PTPRN2: variants seen among roughly 807,000 people sequenced by gnomAD.
PTPRN2 encodes protein tyrosine phosphatase receptor type N2.
In PTPRN2, 74 loss-of-function variants were observed where a neutral mutation model predicts 118.8. The ratio of observed to expected loss-of-function variants is 0.62; its 90% CI spans 0.52 to 0.76. PTPRN2 has a LOEUF of 0.76. Among genes scored for constraint, PTPRN2 ranks in the 30% least tolerant of loss-of-function variants. PTPRN2 has a pLI of 0.00. For synonymous variants in PTPRN2, 641 were observed against 608.0 expected (o/e 1.05, Z -0.80); for missense variants, 1,481 against 1,394.4 (o/e 1.06, Z -0.99).
At chr7:157,679,810 C>A (rs1220642415) in intron 13 of PTPRN2, among the ~76,000 whole-genome samples, 1 of 152,282 alleles carries the variant, frequency 6.6e-6, no homozygotes, top group East Asian at 1.9e-4. Context: ...GAGGGCCCCC[C>A]AGGTCACGCG....
rs1796902469 is a variant in PTPRN2, at chr7:157,893,178, C to T, written c.1788+5495G>A. Among the ~76,000 whole-genome samples, 1 of 152,212 alleles carries T rather than the reference C, an allele frequency of 6.6e-6. No individual in the cohort carries two copies. Among genetic ancestry groups the T allele is most frequent in the Non-Finnish European group, 1.5e-5 (1 of 68,040 alleles). On this transcript the variant is annotated intron_variant, in intron 12 of 22. Transcript: ENST00000389418. The surrounding 1 kb of genome is among the most constrained non-coding windows in gnomAD (Gnocchi z 4.0). ...GTGAATGAGCTCCTTGTGGCCAGAT[C>T]GTAACCAGTGGGTGAAATAAACACT... is the stretch of plus-strand genomic sequence containing the variant.
intron 10 of PTPRN2, among the ~76,000 whole-genome samples, chr7:158,098,839 CG>C (rs1814905393): frequency 6.7e-6 from 1 of 149,866 alleles, no homozygotes; most frequent in African/African-American, 2.4e-5. Context: ...CAGTGGGGGA[CG>C]GGGAACGGGG....
chr7:158,458,050 TG>T, intron 2 of PTPRN2, among the ~76,000 whole-genome samples: 1 of 152,278 alleles, frequency 6.6e-6, no homozygotes, highest in Admixed American at 6.5e-5. Context: ...AAAGTTAATT[TG>T]GTGTCTCCTG....
chr7:157,807,294 A>G (rs1443651776), intron 12 of PTPRN2, among the ~76,000 whole-genome samples: 1 of 152,198 alleles, frequency 6.6e-6, no homozygotes, highest in East Asian at 1.9e-4. Context: ...CTGGCTGATT[A>G]CAAGGAAATC....
intron 3 of PTPRN2, among the ~76,000 whole-genome samples, chr7:158,270,884 A>ACCACCCCCCCCAC: frequency 4.9e-5 from 1 of 20,328 alleles, no homozygotes; most frequent in African/African-American, 2.8e-4. Context: ...CTCCACCTGG[A>ACCACCCCCCCCAC]TGACCCCCTC....
intron 21 of PTPRN2, among the ~76,000 whole-genome samples, chr7:157,557,422 G>C (rs994329693): frequency 1.3e-5 from 2 of 151,126 alleles, no homozygotes; most frequent in African/African-American, 4.9e-5. Context: ...AGCTCACACT[G>C]CACACAAACA....
At chr7:158,149,711 G>T (rs1353212063) in intron 6 of PTPRN2, among the ~76,000 whole-genome samples, 1 of 152,020 alleles carries the variant, frequency 6.6e-6, no homozygotes. Flanking sequence ...GGCTAAGGCA[G>T]GAGAATTGCT....
intron 11 of PTPRN2, among the ~76,000 whole-genome samples, chr7:157,936,315 A>C (rs1294544079): frequency 6.6e-6 from 1 of 152,176 alleles, no homozygotes; most frequent in Non-Finnish European, 1.5e-5. Context: ...GATGCTATCG[A>C]TTATGGGCTC....
At chr7:158,129,736 C>T (rs1031920589) in intron 9 of PTPRN2, among the ~76,000 whole-genome samples, 8 of 152,204 alleles carry the variant, frequency 5.3e-5, no homozygotes, top group Non-Finnish European at 8.8e-5. Flanking sequence ...CTGAGGCAGG[C>T]GCCTCCCCTT....
Position 157,541,535 on chromosome 7 carries a change from C to T in PTPRN2, c.2977-750G>A, listed in dbSNP as rs539378498. On this transcript the variant is annotated intron_variant, in intron 22 of 22. Coordinates refer to ENST00000389418, the MANE Select transcript of PTPRN2 (RefSeq NM_002847.5). ...GCCGGAGAGCGTATCTGCCTCCTCT[C>T]CCACAGATGAGGTGGATAAATGCTC... Among the ~76,000 whole-genome samples, 16 of 152,386 alleles carry T rather than the reference C, an allele frequency of 1.0e-4. 1 individual carries two copies. The South Asian group carries it at 3.3e-3, about 32-fold the overall frequency.
At chr7:158,374,235 A>T (rs1810323548) in intron 2 of PTPRN2, among the ~76,000 whole-genome samples, 1 of 152,092 alleles carries the variant, frequency 6.6e-6, no homozygotes, top group South Asian at 2.1e-4. Flanking sequence ...AAACACCAAA[A>T]ATCCAATCAC....
In PTPRN2 at chr7:157,603,953, G is replaced by C. The variant is rs769701132; in HGVS notation, c.2418+49C>G. ...CCTTCCCACGTGATTTGCCGCGTCC[G>C]TGCCACCCAAGGGAAAGCCTGGGGC... On this transcript the variant is annotated intron_variant, in intron 16 of 22. Transcript: ENST00000389418. The surrounding 1 kb of genome is among the most constrained non-coding windows in gnomAD (Gnocchi z 5.4). 1.3e-6 allele frequency: 2 copies of C among 1,547,726 alleles called. No individual in the cohort carries two copies. The highest frequency in any genetic ancestry group is 1.8e-6 in the Non-Finnish European group (2 of 1,121,176).
At chr7:158,473,178 G>C (rs1357952079) in intron 2 of PTPRN2, among the ~76,000 whole-genome samples, 1 of 152,076 alleles carries the variant, frequency 6.6e-6, no homozygotes, top group African/African-American at 2.4e-5. Context: ...GCAGCTTCAC[G>C]GTCCCCAAGA....
At chr7:158,066,884 G>A (rs1810815297) in intron 11 of PTPRN2, among the ~76,000 whole-genome samples, 1 of 152,154 alleles carries the variant, frequency 6.6e-6, no homozygotes, top group African/African-American at 2.4e-5. Flanking sequence ...TTCCTCAGTG[G>A]GGCCCTAGGC....
intron 10 of PTPRN2, among the ~76,000 whole-genome samples, chr7:158,090,867 G>C (rs1814062799): frequency 6.6e-6 from 1 of 152,088 alleles, no homozygotes; most frequent in South Asian, 2.1e-4. Flanking sequence ...ACTAATATTT[G>C]TTGTCTTAGC....
At chr7:157,979,643 G>A (rs1029528394) in intron 11 of PTPRN2, among the ~76,000 whole-genome samples, 4 of 152,186 alleles carry the variant, frequency 2.6e-5, no homozygotes, top group African/African-American at 4.8e-5. Context: ...GCTCCAGAGC[G>A]ACGCTGCCTC....
At position 158,003,305 on chromosome 7, in the gene PTPRN2, T is replaced by C. The variant is rs1338533569; in HGVS notation, c.1723+77993A>G. 6.7e-6 allele frequency among the ~76,000 whole-genome samples: 1 copy of C among 150,218 alleles called. No individual in the cohort carries two copies. Among genetic ancestry groups the C allele is most frequent in the African/African-American group, 2.5e-5 (1 of 40,688 alleles). On this transcript the variant is annotated intron_variant, in intron 11 of 22. Coordinates refer to ENST00000389418, the MANE Select transcript of PTPRN2 (RefSeq NM_002847.5). This position sits in a 1 kb window ranked among gnomAD's most constrained non-coding sequence, Gnocchi z 5.0. ...GGCGGGCGCCTGTAGTCCCAGCTAC[T>C]TGGGAGGCTGAGGCAGGAGAATGGC...
chr7:158,372,854 A>G (rs1441548301), intron 2 of PTPRN2, among the ~76,000 whole-genome samples: 3 of 152,238 alleles, frequency 2.0e-5, no homozygotes, highest in African/African-American at 7.2e-5. Flanking sequence ...CCTGACAGGC[A>G]GAGTTCTCCA....
chr7:158,340,221 G>A (rs62481706), intron 2 of PTPRN2, among the ~76,000 whole-genome samples: 33,447 of 56,298 alleles, frequency 0.59, 7,327 homozygotes, highest in Middle Eastern at 0.66. Flanking sequence ...AGCTGATGCC[G>A]GCACACGTCA....
Sources: gnomAD v4.1 joint callset for allele counts (sites outside exome capture counted in the v4.1 genomes callset) on GRCh38, gnomAD v4.1.1 for gene constraint, Gnocchi (gnomAD v3.1) non-coding constraint, MANE v1.5 for transcripts, NCBI Gene and HGNC (gene_info 2026-07-23, HGNC 2026-07-21) for gene names.